CNTNAP5: variants seen among roughly 807,000 people sequenced by gnomAD.
CNTNAP5 encodes the protein contactin associated protein family member 5.
CNTNAP5 carries 72 observed loss-of-function variants against 150.2 expected under a neutral mutation model. The ratio of observed to expected loss-of-function variants is 0.48; its 90% confidence interval spans 0.40 to 0.58. CNTNAP5 has a LOEUF of 0.58. Among genes scored for constraint, CNTNAP5 ranks in the 20% least tolerant of loss-of-function variants. The pLI is 0.00. For missense variants in CNTNAP5, 1,636 were observed against 1,626.2 expected, an observed-to-expected ratio of 1.01 and a Z score of -0.10; for synonymous variants, 672 against 619.8, an observed-to-expected ratio of 1.08 and a Z score of -1.25.
At chr2:124,108,065 G>C (rs1188780236) in intron 1 of CNTNAP5, among the ~76,000 whole-genome samples, 1 of 152,214 alleles carries the variant, frequency 6.6e-6, no homozygotes, top group Non-Finnish European at 1.5e-5. Context: ...AGAAGAAACA[G>C]TCAGATATGC....
rs535785479 is a variant in CNTNAP5 at position 124,324,007 on chromosome 2, T to C, written c.381+81614T>C. ...TTCTGGGAGTGCAATTTGGGAAAAG[T>C]AGAGAGCATTACGAAAAAAAGAGCC... is the stretch of plus-strand genomic sequence containing the variant. On this transcript the variant is annotated intron_variant, in intron 3 of 23. Transcript: ENST00000682447. 2.6e-5 allele frequency among the ~76,000 whole-genome samples: 4 copies of C among 152,180 alleles called. No homozygotes were observed. The South Asian group carries it at 8.3e-4, about 32-fold the overall frequency.
chr2:124,194,045 G>A (rs1005922721), intron 1 of CNTNAP5, among the ~76,000 whole-genome samples: 3 of 152,114 alleles, frequency 2.0e-5, no homozygotes, highest in Non-Finnish European at 4.4e-5. Context: ...CTTTGTGCCT[G>A]TTCGCTGCAC....
rs185702405 is a variant in CNTNAP5, at chr2:124,162,166, G to A, written c.83-59539G>A. On this transcript the variant is annotated intron_variant, in intron 1 of 23. Transcript: ENST00000682447. ...AGGTAAAGAATAAATAATGTAGTGC[G>A]CTTTAAGTTCATGCTGCCAAGCCTG... is the stretch of plus-strand genomic sequence containing the variant. Among the ~76,000 whole-genome samples, 285 of 152,170 alleles carry A rather than the reference G, an allele frequency of 1.9e-3. 2 individuals carry two copies. The highest frequency in any genetic ancestry group is 4.6e-4 in the African/African-American group (19 of 41,524).
At chr2:124,096,082 G>C (rs1346384741) in intron 1 of CNTNAP5, among the ~76,000 whole-genome samples, 1 of 152,030 alleles carries the variant, frequency 6.6e-6, no homozygotes, top group African/African-American at 2.4e-5. Context: ...AGTCTCAAAA[G>C]TTATTCTAAT....
intron 13 of CNTNAP5, among the ~76,000 whole-genome samples, chr2:124,718,840 G>A (rs1679995638): frequency 6.6e-6 from 1 of 152,042 alleles, no homozygotes; most frequent in Non-Finnish European, 1.5e-5. Context: ...AGCTACTCGG[G>A]ATGCTGAGGC....
Position 124,210,622 on chromosome 2 carries a change from C to A in CNTNAP5, c.83-11083C>A, listed in dbSNP as rs1685981521. ...AGCACAGTCTCTTACCCTCAATTCTCTATCCCCATCTCCACCCAAGACATT... is the reference window on the plus strand; with the variant it reads ...AGCACAGTCTCTTACCCTCAATTCTATATCCCCATCTCCACCCAAGACATT... On this transcript the variant is annotated intron_variant, in intron 1 of 23. Transcript: ENST00000682447. Among the ~76,000 whole-genome samples the A allele has an allele frequency of 2.0e-5, 3 of 152,162 alleles. No individual in the cohort carries two copies. The South Asian group carries it at 6.2e-4, about 32-fold the overall frequency.
intron 2 of CNTNAP5, among the ~76,000 whole-genome samples, chr2:124,222,260 T>C (rs955209796): frequency 2.6e-5 from 4 of 152,132 alleles, no homozygotes; most frequent in Non-Finnish European, 5.9e-5. Flanking sequence ...AAAATATAAA[T>C]AATCTGTTAT....
chr2:124,356,441 A>G (rs1321057764), intron 3 of CNTNAP5, among the ~76,000 whole-genome samples: 90 of 143,304 alleles, frequency 6.3e-4, no homozygotes, highest in African/African-American at 2.3e-3. Flanking sequence ...ATATCTCCCA[A>G]TGCTATCCCT....
chr2:124,167,413 A>T (rs1011671790), intron 1 of CNTNAP5, among the ~76,000 whole-genome samples: 1 of 152,230 alleles, frequency 6.6e-6, no homozygotes, highest in Non-Finnish European at 1.5e-5. Context: ...TATCACCAGG[A>T]GTTGTCAAGT....
chr2:124,674,470 C>T lies in CNTNAP5; in HGVS notation c.2077+26512C>T, dbSNP rs552102910. 2.8e-4 allele frequency among the ~76,000 whole-genome samples: 40 copies of T among 143,796 alleles called. 1 individual carries two copies. In the East Asian group the frequency reaches 7.0e-3, roughly 25 times the overall value. The allele number at this position is 143,796 out of a possible 152,430, so 94.3% of individuals were successfully genotyped here. On this transcript the variant is annotated intron_variant, in intron 13 of 23. Coordinates refer to ENST00000682447, the MANE Select transcript of CNTNAP5 (RefSeq NM_001367498.1). Reference sequence around the variant, plus strand: ...CCTTTCCCTTCCTTCCTTTCCCTCCCTCCCTCCCTCTCTCCCTCTCTACTT... The same window carrying T: ...CCTTTCCCTTCCTTCCTTTCCCTCCTTCCCTCCCTCTCTCCCTCTCTACTT...
intron 5 of CNTNAP5, 66 bp from the exon 6 acceptor site, chr2:124,446,687 A>G (rs6715476): frequency 0.064 from 95,363 of 1,485,598 alleles, 5,543 homozygotes; most frequent in African/African-American, 0.21. Context: ...TTGCTTGTGG[A>G]GCATTCTGGT....
intron 3 of CNTNAP5, among the ~76,000 whole-genome samples, chr2:124,264,387 CAT>C (rs747323585): frequency 0.35 from 21,315 of 61,440 alleles, 1,564 homozygotes; most frequent in South Asian, 0.52. Flanking sequence ...CACACACACA[CAT>C]ACACACACAC....
At chr2:124,852,145 T>G (rs889225711) in intron 19 of CNTNAP5, among the ~76,000 whole-genome samples, 1 of 152,192 alleles carries the variant, frequency 6.6e-6, no homozygotes, top group Non-Finnish European at 1.5e-5. Context: ...ACAAAATTCC[T>G]ACAGTTGCAA....
chr2:124,769,202 G>A (rs1254882010), intron 16 of CNTNAP5, among the ~76,000 whole-genome samples: 1 of 152,128 alleles, frequency 6.6e-6, no homozygotes, highest in Non-Finnish European at 1.5e-5. Flanking sequence ...AGTCCTGGAA[G>A]AACATCATGC....
chr2:124,608,957 A>C (rs1339397887), intron 11 of CNTNAP5, among the ~76,000 whole-genome samples: 1 of 152,008 alleles, frequency 6.6e-6, no homozygotes, highest in East Asian at 1.9e-4. Context: ...AAAAAAAAAA[A>C]AGAAAAAGTC....
chr2:124,444,094 G>A (rs1173512284), intron 5 of CNTNAP5, among the ~76,000 whole-genome samples: 1 of 151,850 alleles, frequency 6.6e-6, no homozygotes, highest in South Asian at 2.1e-4. Flanking sequence ...CTGTGTGTGG[G>A]GTGGCGGTGG....
intron 21 of CNTNAP5, among the ~76,000 whole-genome samples, chr2:124,893,868 A>C (rs559883663): frequency 6.6e-6 from 1 of 152,300 alleles, no homozygotes; most frequent in South Asian, 2.1e-4. Context: ...ACGACTCATC[A>C]GAAATAACTG....
chr2:124,437,825 G>A (rs968236125), intron 5 of CNTNAP5, among the ~76,000 whole-genome samples: 22 of 152,106 alleles, frequency 1.4e-4, no homozygotes, highest in Non-Finnish European at 5.9e-5. Flanking sequence ...AAGTTAATGG[G>A]TTAAAGAATA....
chr2:124,553,418 C>T (rs943623738), intron 10 of CNTNAP5, among the ~76,000 whole-genome samples: 1 of 151,102 alleles, frequency 6.6e-6, no homozygotes, highest in African/African-American at 2.4e-5. Flanking sequence ...GCAGGAAAAT[C>T]GCTTGAACCT....
Sources: gnomAD v4.1 joint callset for allele counts (sites outside exome capture counted in the v4.1 genomes callset) on GRCh38, gnomAD v4.1.1 for gene constraint, MANE v1.5 for transcripts, NCBI Gene and HGNC (gene_info 2026-07-23, HGNC 2026-07-21) for gene names.